Variants in SRP9 observed in about 807,000 individuals in gnomAD.
SRP9 encodes the protein signal recognition particle 9.
Under a neutral mutation model 11.7 loss-of-function variants are expected in SRP9, and 2 were observed. The ratio of observed to expected loss-of-function variants is 0.17; its 90% CI spans 0.07 to 0.54. The LOEUF (loss-of-function observed/expected upper bound fraction) is 0.54, where lower values mean the gene tolerates loss of function less well. Among genes scored for constraint, SRP9 ranks in the 20% least tolerant of loss-of-function variants. The probability of loss-of-function intolerance (pLI) is 0.94; values close to 1 mark genes in which losing one functional copy is unlikely to be tolerated. For missense variants in SRP9, 54 were observed against 108.1 expected, an observed-to-expected ratio of 0.50 and a Z score of 2.22; for synonymous variants, 27 against 35.6, an observed-to-expected ratio of 0.76 and a Z score of 0.86.
At chr1:225,786,272 T>C (rs1665908596) in intron 2 of SRP9, among the ~76,000 whole-genome samples, 1 of 152,248 alleles carries the variant, frequency 6.6e-6, no homozygotes, top group South Asian at 2.1e-4. Flanking sequence ...TTGTGCTGTA[T>C]CACAATTCTT....
intron 2 of SRP9, 118 bp downstream of exon 2, chr1:225,783,486 C>A: frequency 1.3e-6 from 1 of 795,040 alleles, no homozygotes; most frequent in Non-Finnish European, 2.0e-6. Flanking sequence ...TTTTGCATTT[C>A]ATTTAAAGAT....
chr1:225,784,019 C>G (rs1182983417), intron 2 of SRP9, among the ~76,000 whole-genome samples: 1 of 151,330 alleles, frequency 6.6e-6, no homozygotes, highest in Non-Finnish European at 1.5e-5. Flanking sequence ...TTGATGTGCC[C>G]CATATATATG....
intron 2 of SRP9, chr1:225,788,968 G>A (rs1665969805): frequency 1.3e-6 from 2 of 1,540,548 alleles, no homozygotes. Context: ...TCAGACCATA[G>A]CAGGATTTAA....
chr1:225,787,035 G>T (rs1665931810), intron 2 of SRP9: 2 of 322,832 alleles, frequency 6.2e-6, no homozygotes, highest in African/African-American at 2.3e-5. Context: ...GTCAAGACAG[G>T]GTCTCATTAT....
At chr1:225,784,669 A>G (rs1379797227) in intron 2 of SRP9, among the ~76,000 whole-genome samples, 5 of 151,670 alleles carry the variant, frequency 3.3e-5, no homozygotes, top group African/African-American at 1.2e-4. Context: ...GTGAAACCCC[A>G]TCTCTACTAA....
At position 225,777,973 on chromosome 1, in the gene SRP9, C is replaced by T; in HGVS notation, c.33C>T (p.Ser11=). 6.2e-7 allele frequency: 1 copy of T among 1,614,234 alleles called. No individual in the cohort carries two copies. The highest frequency in any genetic ancestry group is 8.5e-7 in the Non-Finnish European group (1 of 1,180,022). The change falls in exon 1 of 3, where the codon AGC becomes AGT. Residue 11 remains serine (S), a synonymous_variant. Coordinates refer to ENST00000304786, the MANE Select transcript of SRP9 (RefSeq NM_003133.6). ...AGTACCAGACCTGGGAGGAGTTCAG[C>T]CGCGCTGCCGAGAAGCTTTACCTCG... MPQYQTWEEF[S]RAAEKLYLAD...
chr1:225,789,031 C>T, intron 2 of SRP9: 1 of 1,550,748 alleles, frequency 6.4e-7, no homozygotes, highest in Non-Finnish European at 8.7e-7. Context: ...TTTTTGTCCA[C>T]AGCAGTGGCA....
At chr1:225,788,965 A>G in intron 2 of SRP9, 3 of 1,538,780 alleles carry the variant, frequency 1.9e-6, no homozygotes, top group Non-Finnish European at 2.6e-6. Context: ...TCATCAGACC[A>G]TAGCAGGATT....
At chr1:225,783,515 A>G (rs1222165061) in intron 2 of SRP9, 147 bp downstream of exon 2, 3 of 642,272 alleles carry the variant, frequency 4.7e-6, no homozygotes, top group Non-Finnish European at 8.0e-6. Flanking sequence ...TCATTCTAGC[A>G]GCTACTTTTA....
intron 2 of SRP9, 33 bp downstream of exon 2, chr1:225,783,401 C>G (rs774053946): frequency 6.6e-7 from 1 of 1,513,586 alleles, no homozygotes; most frequent in African/African-American, 1.4e-5. Flanking sequence ...TACATACTTT[C>G]AGATTTGTTT....
At position 225,789,415 on chromosome 1, in the gene SRP9, A is replaced by G; in HGVS notation, c.*56A>G. On this transcript the variant is annotated 3_prime_UTR_variant, in exon 3 of 3. Transcript: ENST00000304786. ...TTAGGAAGTAAATATCTTTTGAATT[A>G]GAGAAAGTGTTGGGACAGAAAGTAC... 4.1e-6 allele frequency: 6 copies of G among 1,473,438 alleles called. No individual in the cohort carries two copies. The highest frequency in any genetic ancestry group is 5.5e-6 in the Non-Finnish European group (6 of 1,090,662). 91.3% of individuals were successfully genotyped at this position (1,473,438 alleles called of 1,614,324 possible). A position where few individuals can be genotyped will look rare whatever the true frequency, so the allele number is the denominator to read the frequency against.
chr1:225,786,705 T>G (rs542237420), intron 2 of SRP9, among the ~76,000 whole-genome samples: 2 of 152,366 alleles, frequency 1.3e-5, no homozygotes, highest in South Asian at 4.1e-4. Context: ...GCCAAAAATT[T>G]AGCCTTCTGG....
chr1:225,783,171 G>C, intron 1 of SRP9, 129 bp from the exon 2 acceptor site: 1 of 613,614 alleles, frequency 1.6e-6, no homozygotes, highest in East Asian at 2.8e-5. Flanking sequence ...TTAGTTTATA[G>C]TAAAAATGCC....
chr1:225,779,289 C>G (rs191086987), intron 1 of SRP9, among the ~76,000 whole-genome samples: 3 of 152,120 alleles, frequency 2.0e-5, no homozygotes, highest in Non-Finnish European at 4.4e-5. Context: ...GGTTTACAGG[C>G]GCCTGCCACC....
At chr1:225,785,544 C>T (rs1339326597) in intron 2 of SRP9, among the ~76,000 whole-genome samples, 1 of 151,654 alleles carries the variant, frequency 6.6e-6, no homozygotes, top group Non-Finnish European at 1.5e-5. Context: ...CCACGCCTGG[C>T]TAATTTTGTG....
At position 225,777,835 on chromosome 1, in the gene SRP9, T is replaced by G; in HGVS notation, c.-106T>G. Reference sequence around the variant, plus strand: ...GTTGGTGCGAGGAGGCGCCGCCATCTTGGGGCTGCTGGGACTCGCGTCGGT... The same window carrying G: ...GTTGGTGCGAGGAGGCGCCGCCATCGTGGGGCTGCTGGGACTCGCGTCGGT... On this transcript the variant is annotated 5_prime_UTR_variant, in exon 1 of 3. Transcript: ENST00000304786. 7 of 1,131,382 alleles carry G rather than the reference T, an allele frequency of 6.2e-6. No individual in the cohort carries two copies. Among genetic ancestry groups the G allele is most frequent in the Non-Finnish European group, 2.6e-6 (2 of 768,308 alleles). The allele number at this position is 1,131,382 out of a possible 1,614,324, so 70.1% of individuals were successfully genotyped here.
chr1:225,778,155 C>T lies in SRP9; in HGVS notation c.72+143C>T, dbSNP rs546747122. ...GACCCTGCCAAGTTAATGTTCTGCTCTCTCGTCCCCTTCTTCCCTGATCTA... is the reference window on the plus strand; with the variant it reads ...GACCCTGCCAAGTTAATGTTCTGCTTTCTCGTCCCCTTCTTCCCTGATCTA... On this transcript the variant is annotated intron_variant, in intron 1 of 2. Transcript: ENST00000304786. The T allele has an allele frequency of 9.3e-5, 86 of 927,716 alleles. 1 individual carries two copies. In the South Asian group the frequency reaches 1.3e-3, roughly 14 times the overall value. The allele number at this position is 927,716 out of a possible 1,614,324, so 57.5% of individuals were successfully genotyped here.
At chr1:225,787,168 A>G (rs1376004943) in intron 2 of SRP9, among the ~76,000 whole-genome samples, 4 of 152,254 alleles carry the variant, frequency 2.6e-5, no homozygotes, top group South Asian at 4.1e-4. Context: ...CCACACAGAA[A>G]AATTTTAATT....
chr1:225,777,892 G>C lies in SRP9; in HGVS notation c.-49G>C. ...CTCCCGGACGTAGGTAGTTTGTTGGGCCGGGTTCTGAGGCCTTGCTTCTCT... is the reference window on the plus strand; with the variant it reads ...CTCCCGGACGTAGGTAGTTTGTTGGCCCGGGTTCTGAGGCCTTGCTTCTCT... On this transcript the variant is annotated 5_prime_UTR_variant, in exon 1 of 3. Transcript: ENST00000304786. 1 of 1,556,798 alleles carries C rather than the reference G, an allele frequency of 6.4e-7. No homozygotes were observed. The highest frequency in any genetic ancestry group is 2.3e-5 in the East Asian group (1 of 44,216).
Sources: allele counts gnomAD v4.1 joint callset (sites outside exome capture counted in the v4.1 genomes callset), GRCh38; gene constraint gnomAD v4.1.1; transcripts MANE v1.5; gene names NCBI Gene and HGNC (gene_info 2026-07-23, HGNC 2026-07-21).